CDC42SE2: variants seen among roughly 807,000 people sequenced by gnomAD.
CDC42SE2 encodes CDC42 small effector 2.
CDC42SE2 carries 3 observed loss-of-function variants against 11.5 expected under a neutral mutation model. The observed-to-expected ratio is 0.26, with a 90% confidence interval of 0.12 to 0.67. CDC42SE2 has a LOEUF of 0.67. Among genes scored for constraint, CDC42SE2 ranks in the 30% least tolerant of loss-of-function variants. The pLI is 0.80. For missense variants in CDC42SE2, 82 were observed against 106.8 expected (o/e 0.77, Z 1.02); for synonymous variants, 33 against 34.8 (o/e 0.95, Z 0.18).
At chr5:131,301,255 C>T (rs886824556) in intron 1 of CDC42SE2, among the ~76,000 whole-genome samples, 39 of 151,968 alleles carry the variant, frequency 2.6e-4, no homozygotes, top group Non-Finnish European at 4.1e-4. Flanking sequence ...AGGAGGAATA[C>T]GTTCTAGTGT....
chr5:131,389,281 CAT>C (rs1458000467), intron 4 of CDC42SE2, among the ~76,000 whole-genome samples: 1 of 152,150 alleles, frequency 6.6e-6, no homozygotes, highest in African/African-American at 2.4e-5. Flanking sequence ...GAACTGGTAT[CAT>C]ATGACAGGCC....
At chr5:131,244,397 G>C (rs1279780677), upstream of CDC42SE2, among the ~76,000 whole-genome samples, 8 of 152,150 alleles carry the variant, frequency 5.3e-5, no homozygotes, top group African/African-American at 1.9e-4. Flanking sequence ...CAGAAAACAT[G>C]TTCAATTTTA....
In CDC42SE2 at chr5:131,394,562, CT is replaced by C. The variant is rs1158204983; in HGVS notation, c.*3478del. On this transcript the variant is annotated 3_prime_UTR_variant, in exon 5 of 5. Transcript: ENST00000505065. ...GACATATTTTTATAATATAAGCATA[CT>C]TTTTTTGTACATTGTGTTCATTCTT... 2.2e-4 allele frequency: 33 copies of C among 152,358 alleles called. No homozygotes were observed. Among genetic ancestry groups the C allele is most frequent in the Non-Finnish European group, 7.4e-5 (5 of 68,020 alleles). The allele number at this position is 152,358 out of a possible 1,614,324, so 9.4% of individuals were successfully genotyped here.
At position 131,320,672 on chromosome 5, in the gene CDC42SE2, C is replaced by T. The variant is rs572502864; in HGVS notation, c.-286+4528C>T. 1.3e-4 allele frequency among the ~76,000 whole-genome samples: 19 copies of T among 149,544 alleles called. 1 individual carries two copies. In the South Asian group the frequency reaches 3.0e-3, roughly 24 times the overall value. ...CAGGAGAATCACTTGAACCCGGAGG[C>T]GGAGGATGCAGTGAGCTGAGATTGC... On this transcript the variant is annotated intron_variant, in intron 2 of 4. Transcript: ENST00000505065.
At chr5:131,310,045 T>C (rs1283894887) in intron 1 of CDC42SE2, among the ~76,000 whole-genome samples, 3 of 152,226 alleles carry the variant, frequency 2.0e-5, no homozygotes, top group Non-Finnish European at 4.4e-5. Context: ...TGTTAGGGTG[T>C]CAATTTTGGA....
At chr5:131,273,510 C>T (rs568359222) in intron 1 of CDC42SE2, among the ~76,000 whole-genome samples, 2 of 150,092 alleles carry the variant, frequency 1.3e-5, no homozygotes, top group Non-Finnish European at 3.0e-5. Flanking sequence ...GTGGCTCATG[C>T]CTGTAATCCC....
At chr5:131,344,870 GTGA>G (rs1378403646) in intron 2 of CDC42SE2, among the ~76,000 whole-genome samples, 2 of 152,200 alleles carry the variant, frequency 1.3e-5, no homozygotes, top group African/African-American at 2.4e-5. Context: ...GCCTCTGCTG[GTGA>G]TAACCAGGCA....
chr5:131,234,635 CAA>C, the CDC42SE2 span, among the ~76,000 whole-genome samples: 7 of 86,844 alleles, frequency 8.1e-5, no homozygotes, highest in African/African-American at 1.6e-4. Context: ...GACTCTGTCT[CAA>C]AAAAAAAAAA....
At chr5:131,373,887 G>A (rs1399210201) in intron 3 of CDC42SE2, among the ~76,000 whole-genome samples, 1 of 152,062 alleles carries the variant, frequency 6.6e-6, no homozygotes, top group African/African-American at 2.4e-5. Flanking sequence ...TGAGAAGGCT[G>A]GAAGATGTAG....
chr5:131,237,650 C>CT, the CDC42SE2 span, among the ~76,000 whole-genome samples: 2 of 152,164 alleles, frequency 1.3e-5, no homozygotes, highest in Non-Finnish European at 2.9e-5. Context: ...ACGAGCATAG[C>CT]TTACTGCAGC....
intron 1 of CDC42SE2, among the ~76,000 whole-genome samples, chr5:131,248,424 A>G (rs1756613968): frequency 6.6e-6 from 1 of 152,214 alleles, no homozygotes; most frequent in African/African-American, 2.4e-5. Context: ...GGCATGAGCC[A>G]CCATGCCCGG....
Position 131,380,759 on chromosome 5 carries a change from A to G in CDC42SE2, c.55-4784A>G, listed in dbSNP as rs907995764. Among the ~76,000 whole-genome samples, 13 of 152,114 alleles carry G rather than the reference A, an allele frequency of 8.5e-5. No homozygotes were observed. The East Asian group carries it at 2.5e-3, about 29-fold the overall frequency. On this transcript the variant is annotated intron_variant, in intron 3 of 4. Coordinates refer to ENST00000505065, the MANE Select transcript of CDC42SE2 (RefSeq NM_001375635.1). ...TTCTCTGCCATCTTACAGGGGAAAA[A>G]TTCAATCTGTTCTCATCTCCTTTTC... is the stretch of plus-strand genomic sequence containing the variant.
At chr5:131,321,454 A>C (rs1367757694) in intron 2 of CDC42SE2, among the ~76,000 whole-genome samples, 1 of 152,164 alleles carries the variant, frequency 6.6e-6, no homozygotes, top group African/African-American at 2.4e-5. Flanking sequence ...TGAACTCAGG[A>C]GTTCAAATCC....
At chr5:131,311,291 A>C (rs1757905795) in intron 1 of CDC42SE2, among the ~76,000 whole-genome samples, 1 of 151,642 alleles carries the variant, frequency 6.6e-6, no homozygotes, top group Admixed American at 6.6e-5. Flanking sequence ...TCTGGCTTGT[A>C]GGGTTTCTGC....
chr5:131,230,828 C>A, the CDC42SE2 span, among the ~76,000 whole-genome samples: 6 of 152,150 alleles, frequency 3.9e-5, no homozygotes, highest in African/African-American at 4.8e-5. Flanking sequence ...CCTATTGAGA[C>A]GTTAATATAG....
intron 2 of CDC42SE2, among the ~76,000 whole-genome samples, chr5:131,326,027 A>G (rs1758294223): frequency 6.6e-6 from 1 of 152,088 alleles, no homozygotes; most frequent in African/African-American, 2.4e-5. Context: ...CATTACTGTT[A>G]ACGTCTGAGT....
chr5:131,241,462 T>A (rs1157045001), upstream of CDC42SE2, among the ~76,000 whole-genome samples: 2 of 152,176 alleles, frequency 1.3e-5, no homozygotes, highest in Non-Finnish European at 2.9e-5. Flanking sequence ...TCATCACTAT[T>A]TCTTTAGACT....
At chr5:131,229,570 TG>T in the CDC42SE2 span, among the ~76,000 whole-genome samples, 1 of 152,254 alleles carries the variant, frequency 6.6e-6, no homozygotes, top group Middle Eastern at 3.4e-3. Context: ...ACTCAGTAAT[TG>T]TTTTTTTAGC....
rs1750714700 is a variant in CDC42SE2 at position 131,393,071 on chromosome 5, C to T, written c.*1980C>T. The T allele has an allele frequency of 6.6e-6, 1 of 152,336 alleles. No homozygotes were observed. Among genetic ancestry groups the T allele is most frequent in the Non-Finnish European group, 1.5e-5 (1 of 68,032 alleles). The allele number at this position is 152,336 out of a possible 1,614,324, so 9.4% of individuals were successfully genotyped here. A position where few individuals can be genotyped will look rare whatever the true frequency, so the allele number is the denominator to read the frequency against. On this transcript the variant is annotated 3_prime_UTR_variant, in exon 5 of 5. Coordinates refer to ENST00000505065, the MANE Select transcript of CDC42SE2 (RefSeq NM_001375635.1). The stretch of plus-strand genomic sequence containing the variant: ...TTAGAGTGTGGTGTTAAGCCAGAGT[C>T]AGTGGTTTGTGTTCTCATTAAAATG...
Sources: gnomAD v4.1 joint callset for allele counts (sites outside exome capture counted in the v4.1 genomes callset) on GRCh38, gnomAD v4.1.1 for gene constraint, MANE v1.5 for transcripts, NCBI Gene and HGNC (gene_info 2026-07-23, HGNC 2026-07-21) for gene names.